Variants in ARMC3 observed in about 807,000 individuals in gnomAD.
ARMC3 encodes armadillo repeat-containing protein 3.
Under a neutral mutation model 90.3 loss-of-function variants are expected in ARMC3, and 74 were observed. The ratio of observed to expected loss-of-function variants is 0.82; its 90% confidence interval spans 0.68 to 0.99. The LOEUF is 0.99. Among genes scored for constraint, ARMC3 ranks in the 50% least tolerant of loss-of-function variants. The pLI is 0.00. For synonymous variants in ARMC3, 334 were observed against 361.8 expected (o/e 0.92, Z 0.87); for missense variants, 958 against 1,042.8 (o/e 0.92, Z 1.12).
At chr10:23,005,429 G>A (rs181128782) in intron 13 of ARMC3, among the ~76,000 whole-genome samples, 1 of 152,268 alleles carries the variant, frequency 6.6e-6, no homozygotes, top group East Asian at 1.9e-4. Flanking sequence ...AGTAAATATT[G>A]TTATAAGTTT....
intron 16 of ARMC3, among the ~76,000 whole-genome samples, chr10:23,024,261 T>G (rs1355792098): frequency 6.6e-6 from 1 of 152,130 alleles, no homozygotes; most frequent in Non-Finnish European, 1.5e-5. Context: ...AATAAAGCCC[T>G]TCTCAGGTAA....
Position 23,018,411 on chromosome 10 carries a change from C to T in ARMC3, c.2045+9480C>T, listed in dbSNP as rs548803941. Among the ~76,000 whole-genome samples the T allele has an allele frequency of 3.9e-3, 598 of 152,044 alleles. 3 individuals carry two copies. The highest frequency in any genetic ancestry group is 6.7e-3 in the Non-Finnish European group (455 of 68,004). On this transcript the variant is annotated intron_variant, in intron 16 of 18. Coordinates refer to ENST00000298032, the MANE Select transcript of ARMC3 (RefSeq NM_173081.5). ...TCATGTTTGGCCATAGATGGTGCCT[C>T]TTGATCTGTCTCTGCGTGACTGTGG...
chr10:22,991,045 G>A (rs940502662), intron 10 of ARMC3, among the ~76,000 whole-genome samples: 1 of 151,646 alleles, frequency 6.6e-6, no homozygotes, highest in African/African-American at 2.4e-5. Flanking sequence ...ATTCCCTAAG[G>A]AATGATGTCC....
intron 13 of ARMC3, among the ~76,000 whole-genome samples, chr10:23,004,167 A>G (rs538265330): frequency 2.0e-5 from 3 of 150,676 alleles, no homozygotes; most frequent in South Asian, 4.1e-4. Context: ...TGGGGGCTCT[A>G]TTATCTGTAT....
At chr10:22,986,444 T>C (rs1836444363) in intron 10 of ARMC3, among the ~76,000 whole-genome samples, 1 of 150,056 alleles carries the variant, frequency 6.7e-6, no homozygotes. Context: ...CCCAGCTACA[T>C]GGGAGGCTGA....
chr10:23,007,526 T>G (rs932434660), intron 14 of ARMC3, among the ~76,000 whole-genome samples: 1 of 152,012 alleles, frequency 6.6e-6, no homozygotes, highest in Non-Finnish European at 1.5e-5. Flanking sequence ...TGAAACCCTG[T>G]CTCTACTAAA....
At position 22,973,753 on chromosome 10, in the gene ARMC3, CTTTTT is replaced by C. The variant is rs56405413; in HGVS notation, c.916+5283_916+5287del. Among the ~76,000 whole-genome samples, 4 of 79,920 alleles carry C rather than the reference CTTTTT, an allele frequency of 5.0e-5. No homozygotes were observed. In the South Asian group the frequency reaches 1.3e-3, roughly 27 times the overall value. The allele number at this position is 79,920 out of a possible 152,430, so 52.4% of individuals were successfully genotyped here. On this transcript the variant is annotated intron_variant, in intron 8 of 18. Coordinates refer to ENST00000298032, the MANE Select transcript of ARMC3 (RefSeq NM_173081.5). ...CTCTTGTAATTTTTTCTTTGTCTTT[CTTTTT>C]TTTTTTTTTTTTTTTTTTGAGACAG...
rs995877781 is a variant in ARMC3 at position 22,958,977 on chromosome 10, C to T, written c.293-93C>T. On this transcript the variant is annotated intron_variant, in intron 4 of 18. Coordinates refer to ENST00000298032, the MANE Select transcript of ARMC3 (RefSeq NM_173081.5). ...ACCTCAAGTGATTCACCCGCCTCAG[C>T]CTTTCAAAGTGCTGGGATTACAGGC... 1.4e-5 allele frequency: 14 copies of T among 1,022,352 alleles called. No individual in the cohort carries two copies. The Admixed American group carries it at 2.5e-4, about 18-fold the overall frequency. 63.3% of individuals were successfully genotyped at this position (1,022,352 alleles called of 1,614,324 possible).
Position 23,008,911 on chromosome 10 carries a change from C to G in ARMC3, c.2025C>G (p.Ala675=). ...GAAATACTGTTCTCAGCAAAAGCGC[C>G]ACCAAAGAAAAAGGATGGAGGTAAG... is the stretch of plus-strand genomic sequence containing the variant. ...SGRNTVLSKS[A]TKEKGWRKSK... is the part of the protein sequence containing the mutation. The change falls in exon 16 of 19, where the codon GCC becomes GCG. Residue 675 remains alanine, a synonymous_variant. Coordinates refer to ENST00000298032, the MANE Select transcript of ARMC3 (RefSeq NM_173081.5). 6.2e-7 allele frequency: 1 copy of G among 1,613,258 alleles called. No homozygotes were observed. The highest frequency in any genetic ancestry group is 8.5e-7 in the Non-Finnish European group (1 of 1,179,562).
chr10:22,966,746 A>G (rs957342712), intron 7 of ARMC3, among the ~76,000 whole-genome samples: 40 of 152,286 alleles, frequency 2.6e-4, no homozygotes, highest in African/African-American at 9.1e-4. Flanking sequence ...AAACAGGTTC[A>G]TCTTACATGG....
chr10:23,021,691 T>C (rs1838521073), intron 16 of ARMC3, among the ~76,000 whole-genome samples: 1 of 152,226 alleles, frequency 6.6e-6, no homozygotes. Flanking sequence ...TGTTGAATTG[T>C]TTAAGTTCTG....
intron 18 of ARMC3, 136 bp downstream of exon 18, chr10:23,033,159 G>A: frequency 2.5e-6 from 2 of 804,866 alleles, no homozygotes; most frequent in Non-Finnish European, 3.9e-6. Flanking sequence ...CTACATATAA[G>A]TGTATATATA....
At chr10:22,943,034 T>A (rs545109281) in intron 2 of ARMC3, among the ~76,000 whole-genome samples, 2 of 152,302 alleles carry the variant, frequency 1.3e-5, no homozygotes, top group East Asian at 3.9e-4. Flanking sequence ...GTCAGAATAA[T>A]GGTTATCTCT....
chr10:23,008,795 GT>G lies in ARMC3; in HGVS notation c.1929-12del, dbSNP rs746571526. 10 of 1,581,436 alleles carry G rather than the reference GT, an allele frequency of 6.3e-6. No individual in the cohort carries two copies. In the East Asian group the frequency reaches 6.7e-5, roughly 11 times the overall value. ...TTCCATATGATTGAAATTGGTTGTGGTTTTTTTTCAAATGACAAGAAAAAAT... is the reference window on the plus strand; with the variant it reads ...TTCCATATGATTGAAATTGGTTGTGGTTTTTTTCAAATGACAAGAAAAAAT... On this transcript the variant is annotated intron_variant, in intron 15 of 18. Coordinates refer to ENST00000298032, the MANE Select transcript of ARMC3 (RefSeq NM_173081.5).
intron 10 of ARMC3, among the ~76,000 whole-genome samples, chr10:22,989,377 T>C (rs1337033660): frequency 6.6e-6 from 1 of 152,238 alleles, no homozygotes; most frequent in Non-Finnish European, 1.5e-5. Flanking sequence ...CTGTGCTATA[T>C]AACCAGATAG....
chr10:22,958,905 T>C (rs1835069477), intron 4 of ARMC3, among the ~76,000 whole-genome samples, 165 bp from the exon 5 acceptor site: 1 of 152,070 alleles, frequency 6.6e-6, no homozygotes, highest in Non-Finnish European at 1.5e-5. Context: ...TTATTTTTAG[T>C]AGGGTAGGGG....
At chr10:22,943,763 T>C (rs1588821369) in intron 2 of ARMC3, among the ~76,000 whole-genome samples, 1 of 151,910 alleles carries the variant, frequency 6.6e-6, no homozygotes, top group East Asian at 1.9e-4. Flanking sequence ...CAAAACCCCA[T>C]CTCTACTAAA....
rs1028732318 is a variant in ARMC3 at position 22,959,007 on chromosome 10, G to A, written c.293-63G>A. On this transcript the variant is annotated intron_variant, in intron 4 of 18. Coordinates refer to ENST00000298032, the MANE Select transcript of ARMC3 (RefSeq NM_173081.5). ...CAAAGTGCTGGGATTACAGGCATGA[G>A]CCACCACACCCGGCCTATTATTATT... 1.1e-5 allele frequency: 15 copies of A among 1,351,138 alleles called. No homozygotes were observed. In the East Asian group the frequency reaches 3.2e-4, roughly 29 times the overall value. 83.7% of individuals were successfully genotyped at this position (1,351,138 alleles called of 1,614,324 possible). A position where few individuals can be genotyped will look rare whatever the true frequency, so the allele number is the denominator to read the frequency against.
Position 22,946,222 on chromosome 10 carries a change from G to C in ARMC3, c.127G>C (p.Ala43Pro), listed in dbSNP as rs753695218. ...MLNSPEEEIL[A>P]KACEAIYKFA... Reference sequence around the variant, plus strand: ...TAATTCTCCAGAAGAGGAAATTTTGGCTAAAGCATGTGAAGCCATTTATAA... The same window carrying C: ...TAATTCTCCAGAAGAGGAAATTTTGCCTAAAGCATGTGAAGCCATTTATAA... The change falls in exon 3 of 19, where the codon GCT (alanine) becomes CCT (proline). Residue 43 changes from alanine (A) to proline (P), a missense_variant. By Grantham distance (27) the Ala-to-Pro change is conservative (BLOSUM62 -1). Transcript: ENST00000298032. 1.1e-5 allele frequency: 18 copies of C among 1,612,108 alleles called. No homozygotes were observed. The Admixed American group carries it at 2.0e-4, about 18-fold the overall frequency.
Sources: gnomAD v4.1 joint callset for allele counts (sites outside exome capture counted in the v4.1 genomes callset) on GRCh38, gnomAD v4.1.1 for gene constraint, MANE v1.5 for transcripts, NCBI Gene and HGNC (gene_info 2026-07-23, HGNC 2026-07-21) for gene names.